Variants in PKHD1 observed in about 807,000 individuals in gnomAD.
PKHD1 encodes the protein fibrocystin.
PKHD1 carries 291 observed loss-of-function variants against 412.0 expected under a neutral mutation model. The observed-to-expected ratio is 0.71, with a 90% confidence interval of 0.64 to 0.78. The LOEUF is 0.78. PKHD1 is among the 30% of genes least tolerant of loss of function. The probability of loss-of-function intolerance (pLI) is 0.00; values close to 1 mark genes in which losing one functional copy is unlikely to be tolerated. For missense variants in PKHD1, 4,825 were observed against 4,950.7 expected (o/e 0.97, Z 0.76); for synonymous variants, 1,777 against 1,821.5 (o/e 0.98, Z 0.62).
In PKHD1 at chr6:51,776,483, G is replaced by A. The variant is rs190800977; in HGVS notation, c.8441-562C>T. On this transcript the variant is annotated intron_variant, in intron 53 of 66. Transcript: ENST00000371117. ...TGTAAACCACTGAGATTTGGGGATTGTTACACACCATTATTATGGCAAAAC... is the reference window on the plus strand; with the variant it reads ...TGTAAACCACTGAGATTTGGGGATTATTACACACCATTATTATGGCAAAAC... Among the ~76,000 whole-genome samples the A allele has an allele frequency of 2.0e-3, 302 of 152,126 alleles. 2 individuals are homozygous for A. The highest frequency in any genetic ancestry group is 6.7e-3 in the African/African-American group (280 of 41,544).
intron 52 of PKHD1, among the ~76,000 whole-genome samples, chr6:51,811,755 T>A (rs1764716783): frequency 6.6e-6 from 1 of 152,162 alleles, no homozygotes; most frequent in African/African-American, 2.4e-5. Context: ...AATACTCAAT[T>A]AATTAATATT....
At chr6:52,083,331 T>C (rs923630356) in intron 2 of PKHD1, 76 bp from the exon 3 acceptor site, 11 of 941,214 alleles carry the variant, frequency 1.2e-5, no homozygotes, top group Non-Finnish European at 1.7e-5. Flanking sequence ...TTTTAAGCAA[T>C]ATTTAACCTG....
intron 35 of PKHD1, among the ~76,000 whole-genome samples, chr6:51,994,176 C>G (rs1797418950): frequency 6.6e-6 from 1 of 151,822 alleles, no homozygotes; most frequent in Admixed American, 6.6e-5. Context: ...GCTCTTTCGC[C>G]CAGGCCGGAG....
At chr6:52,061,662 A>T (rs1272322356) in intron 14 of PKHD1, among the ~76,000 whole-genome samples, 1 of 151,206 alleles carries the variant, frequency 6.6e-6, no homozygotes, top group East Asian at 2.0e-4. Flanking sequence ...TTTTGCCATT[A>T]CCTTCAACGG....
chr6:52,058,835 G>A (rs1808224740), intron 15 of PKHD1, among the ~76,000 whole-genome samples: 1 of 151,836 alleles, frequency 6.6e-6, no homozygotes, highest in Non-Finnish European at 1.5e-5. Flanking sequence ...GTACTCAAAT[G>A]AGAATAGATG....
In PKHD1 at chr6:52,049,486, A is replaced by T. The variant is rs1272728002; in HGVS notation, c.2279+671T>A. Among the ~76,000 whole-genome samples, 5 of 152,236 alleles carry T rather than the reference A, an allele frequency of 3.3e-5. No homozygotes were observed. In the South Asian group the frequency reaches 6.2e-4, roughly 19 times the overall value. ...TGTGAATATATATATCCCTACACCC[A>T]CATATACATATACATACATCAAAGG... On this transcript the variant is annotated intron_variant, in intron 22 of 66. Transcript: ENST00000371117.
intron 63 of PKHD1, among the ~76,000 whole-genome samples, chr6:51,639,574 C>T (rs888931669): frequency 6.6e-6 from 1 of 151,276 alleles, no homozygotes; most frequent in Admixed American, 6.6e-5. Context: ...GCTTCCCTAA[C>T]TAAAATGAAA....
At chr6:51,711,188 G>A (rs1340338692) in intron 60 of PKHD1, among the ~76,000 whole-genome samples, 1 of 152,112 alleles carries the variant, frequency 6.6e-6, no homozygotes, top group Non-Finnish European at 1.5e-5. Flanking sequence ...TTTTTCCCAT[G>A]GGCAGTGTTG....
intron 37 of PKHD1, among the ~76,000 whole-genome samples, chr6:51,919,907 T>C (rs1056139972): frequency 2.0e-5 from 3 of 152,198 alleles, no homozygotes; most frequent in Non-Finnish European, 4.4e-5. Flanking sequence ...TGAATGGGAG[T>C]TCACTCATGA....
intron 35 of PKHD1, among the ~76,000 whole-genome samples, chr6:51,960,412 A>G (rs1276582141): frequency 6.6e-6 from 1 of 151,908 alleles, no homozygotes; most frequent in Admixed American, 6.6e-5. Flanking sequence ...GATTCCATTT[A>G]TTTTTACAGA....
At chr6:51,730,760 T>C (rs1783143798) in intron 60 of PKHD1, among the ~76,000 whole-genome samples, 1 of 152,260 alleles carries the variant, frequency 6.6e-6, no homozygotes, top group African/African-American at 2.4e-5. Flanking sequence ...ACAAGCATTT[T>C]ATTTATTGGA....
chr6:51,635,867 GC>G (rs70977306), intron 64 of PKHD1, among the ~76,000 whole-genome samples: 6,569 of 85,162 alleles, frequency 0.077, 371 homozygotes, highest in African/African-American at 0.096. Flanking sequence ...GTGGGGGGGG[GC>G]GGGGGGCCGG....
intron 34 of PKHD1, among the ~76,000 whole-genome samples, chr6:52,011,034 G>A (rs986153371): frequency 6.6e-6 from 1 of 152,074 alleles, no homozygotes; most frequent in Non-Finnish European, 1.5e-5. Context: ...TGCTAGCAGT[G>A]GAACATTAAC....
At chr6:51,715,623 CT>C (rs1031247751) in intron 60 of PKHD1, among the ~76,000 whole-genome samples, 5 of 152,148 alleles carry the variant, frequency 3.3e-5, no homozygotes, top group African/African-American at 1.2e-4. Context: ...CACATTTCTG[CT>C]TTGTCTTTTT....
intron 36 of PKHD1, among the ~76,000 whole-genome samples, chr6:51,939,075 A>G (rs1788011896): frequency 6.6e-6 from 1 of 151,330 alleles, no homozygotes; most frequent in Non-Finnish European, 1.5e-5. Flanking sequence ...ATTCACCCAC[A>G]TTTCAGAGGT....
intron 11 of PKHD1, among the ~76,000 whole-genome samples, chr6:52,068,678 T>C (rs537791960): frequency 1.3e-5 from 2 of 152,228 alleles, no homozygotes; most frequent in African/African-American, 2.4e-5. Context: ...ATTCTTTCTA[T>C]AGCAGCTATC....
intron 37 of PKHD1, among the ~76,000 whole-genome samples, chr6:51,922,436 T>G (rs562168556): frequency 2.0e-5 from 3 of 152,324 alleles, no homozygotes; most frequent in Admixed American, 2.0e-4. Context: ...TTCTCAGATT[T>G]CAAACTCTGT....
intron 20 of PKHD1, 128 bp from the exon 21 acceptor site, chr6:52,053,379 T>C: frequency 5.5e-6 from 5 of 910,600 alleles, no homozygotes; most frequent in Non-Finnish European, 8.7e-6. Context: ...CATGAACCCC[T>C]GCACCCAAGC....
chr6:51,697,586 C>T (rs944994268), intron 60 of PKHD1, among the ~76,000 whole-genome samples: 1 of 152,220 alleles, frequency 6.6e-6, no homozygotes, highest in African/African-American at 2.4e-5. Flanking sequence ...CCCATAAGTA[C>T]ACCCCCGTGT....
Sources: allele counts gnomAD v4.1 joint callset (sites outside exome capture counted in the v4.1 genomes callset), GRCh38; gene constraint gnomAD v4.1.1; transcripts MANE v1.5; gene names NCBI Gene and HGNC (gene_info 2026-07-23, HGNC 2026-07-21).